Variants in SASH1 observed in about 807,000 individuals in gnomAD.
SASH1 encodes SAM and SH3 domain containing 1, also known as SAM and SH3 domain-containing protein 1.
Under a neutral mutation model 125.2 loss-of-function variants are expected in SASH1, and 44 were observed. The observed-to-expected ratio is 0.35, with a 90% CI of 0.28 to 0.45. The LOEUF is 0.45. Ranked by LOEUF, SASH1 falls within the 20% of genes least tolerant of loss-of-function variation. SASH1 has a pLI of 1.00. For missense variants in SASH1, 1,426 were observed against 1,614.5 expected (o/e 0.88, Z 2.00); for synonymous variants, 639 against 649.1 (o/e 0.98, Z 0.24).
At chr6:148,359,479 G>C (rs1306923769) in intron 1 of SASH1, among the ~76,000 whole-genome samples, 1 of 152,174 alleles carries the variant, frequency 6.6e-6, no homozygotes, top group African/African-American at 2.4e-5. Context: ...AACCTGAACA[G>C]ATGTGGAGTT....
At chr6:148,500,350 C>T (rs1779514205) in intron 8 of SASH1, among the ~76,000 whole-genome samples, 2 of 152,154 alleles carry the variant, frequency 1.3e-5, no homozygotes, top group South Asian at 4.1e-4. Context: ...CTGGACTCTG[C>T]CTTTTCTCTC....
intron 6 of SASH1, 104 bp downstream of exon 6, chr6:148,471,607 G>T (rs530571321): frequency 5.6e-6 from 4 of 708,346 alleles, no homozygotes; most frequent in Admixed American, 5.4e-5. Flanking sequence ...GTAACTCACC[G>T]CATGTGCCCA....
chr6:148,490,411 T>C (rs950366754), intron 8 of SASH1, among the ~76,000 whole-genome samples: 3 of 152,122 alleles, frequency 2.0e-5, no homozygotes, highest in African/African-American at 7.2e-5. Context: ...GGTTTCACCA[T>C]ATTGGCCAGG....
At chr6:148,336,458 G>A (rs1396816064) in intron 1 of SASH1, among the ~76,000 whole-genome samples, 1 of 152,230 alleles carries the variant, frequency 6.6e-6, no homozygotes, top group South Asian at 2.1e-4. Flanking sequence ...GATTACAGGC[G>A]TGAGCCACCA....
the SASH1 span, among the ~76,000 whole-genome samples, chr6:148,230,144 A>G: frequency 3.3e-5 from 5 of 152,172 alleles, no homozygotes; most frequent in African/African-American, 1.2e-4. Flanking sequence ...AATATTTTAT[A>G]TAAATGAAAT....
chr6:148,504,484 C>G (rs9498053), intron 8 of SASH1, among the ~76,000 whole-genome samples: 18,282 of 152,160 alleles, frequency 0.12, 1,157 homozygotes, highest in Non-Finnish European at 0.14. Flanking sequence ...ATTTGCACAT[C>G]TACTGTGTTC....
rs1370750561 is a variant in SASH1, at chr6:148,544,048, C to A, written c.2578C>A (p.Pro860Thr). 3 of 1,614,116 alleles carry A rather than the reference C, an allele frequency of 1.9e-6. No individual in the cohort carries two copies. The East Asian group carries it at 6.7e-5, about 36-fold the overall frequency. Residue 860 changes from proline to threonine, a missense_variant, in exon 18 of 20, where the codon CCG becomes ACG. Physicochemically the swap from Pro to Thr is conservative, Grantham distance 38. This residue lies in a region of SASH1 where 634 missense variants were observed against 694.4 expected (regional missense o/e 0.91). Coordinates refer to ENST00000367467, the MANE Select transcript of SASH1 (RefSeq NM_015278.5). This position sits in a 1 kb window ranked among gnomAD's most constrained non-coding sequence, Gnocchi z 6.4. ...EQDVPTEVTE[P>T]PPQIVPEVPQ... ...AGACGTGCCTACCGAGGTGACAGAA[C>A]CGCCCCCTCAGATTGTACCTGAAGT...
At chr6:148,432,438 A>G (rs184036726) in intron 2 of SASH1, among the ~76,000 whole-genome samples, 1 of 152,252 alleles carries the variant, frequency 6.6e-6, no homozygotes, top group African/African-American at 2.4e-5. Context: ...AAAAAACGTA[A>G]ATCTGTGACC....
chr6:148,431,728 AG>A, intron 2 of SASH1, among the ~76,000 whole-genome samples: 1 of 152,014 alleles, frequency 6.6e-6, no homozygotes, highest in South Asian at 2.1e-4. Context: ...CAGGACTGAA[AG>A]GTTAAACAGC....
intron 1 of SASH1, among the ~76,000 whole-genome samples, chr6:148,288,904 C>A (rs1232312935): frequency 6.6e-6 from 1 of 152,222 alleles, no homozygotes; most frequent in African/African-American, 2.4e-5. Flanking sequence ...TCACCTCCTA[C>A]CCTTTAGGTT....
chr6:148,454,467 A>G (rs1438827904), intron 4 of SASH1, among the ~76,000 whole-genome samples: 2 of 152,212 alleles, frequency 1.3e-5, no homozygotes, highest in Admixed American at 6.5e-5. Flanking sequence ...CAAGACTCCA[A>G]ATCGTCACAG....
intron 1 of SASH1, among the ~76,000 whole-genome samples, chr6:148,358,728 T>G (rs57170848): frequency 0.17 from 19,265 of 115,220 alleles, 1,807 homozygotes; most frequent in Non-Finnish European, 0.23. Context: ...TAATGCCATG[T>G]TTTTGTTTTT....
At chr6:148,430,837 T>A (rs1317768143) in intron 2 of SASH1, among the ~76,000 whole-genome samples, 1 of 152,180 alleles carries the variant, frequency 6.6e-6, no homozygotes, top group Admixed American at 6.5e-5. Flanking sequence ...CACAGAGTAC[T>A]ATTTCCAGAA....
intron 2 of SASH1, among the ~76,000 whole-genome samples, chr6:148,398,540 C>A (rs551390037): frequency 5.9e-4 from 90 of 152,238 alleles, no homozygotes; most frequent in African/African-American, 2.1e-3. Context: ...ACAGGTCTGC[C>A]CCCAGAGCAT....
rs186882746 is a variant in SASH1 at position 148,287,028 on chromosome 6, G to C, written n.74+14651G>C. Among the ~76,000 whole-genome samples the C allele has an allele frequency of 3.8e-3, 584 of 152,216 alleles. 5 individuals are homozygous for C. The highest frequency in any genetic ancestry group is 7.5e-3 in the Admixed American group (114 of 15,288). ...CAGTGTGCTGCTCCAGGAGCCTATG[G>C]GTGGAGTCCAGAGGGTCAGATTTGA... is the stretch of plus-strand genomic sequence containing the variant. On this transcript the variant is annotated intron_variant and non_coding_transcript_variant, in intron 1 of 3. Coordinates refer to the SASH1 transcript ENST00000367469.
At chr6:148,437,396 G>C (rs1776334672) in intron 2 of SASH1, among the ~76,000 whole-genome samples, 1 of 151,942 alleles carries the variant, frequency 6.6e-6, no homozygotes, top group Non-Finnish European at 1.5e-5. Context: ...TCTCTTACTT[G>C]GTCTTAAAAA....
intron 1 of SASH1, among the ~76,000 whole-genome samples, chr6:148,334,969 A>G (rs7756930): frequency 0.63 from 75,875 of 120,478 alleles, 21,022 homozygotes; most frequent in South Asian, 0.74. Context: ...GTGAGACTCC[A>G]TCTCAAAAAA....
rs768480948 is a variant in SASH1 at position 148,540,402 on chromosome 6, T to G, written c.2096-41T>G. 7.9e-6 allele frequency: 12 copies of G among 1,519,984 alleles called. No homozygotes were observed. The South Asian group carries it at 1.3e-4, about 16-fold the overall frequency. 94.2% of individuals were successfully genotyped at this position (1,519,984 alleles called of 1,614,324 possible). On this transcript the variant is annotated intron_variant, in intron 16 of 19. Transcript: ENST00000367467. Reference sequence around the variant, plus strand: ...CTGTTGACTCTGAAACCTCTGCTTTTCACTCACCTTGTTGATTTCATGCCG... The same window carrying G: ...CTGTTGACTCTGAAACCTCTGCTTTGCACTCACCTTGTTGATTTCATGCCG...
Position 148,533,692 on chromosome 6 carries a change from C to T in SASH1, c.1735-79C>T. On this transcript the variant is annotated intron_variant, in intron 14 of 19. Coordinates refer to ENST00000367467, the MANE Select transcript of SASH1 (RefSeq NM_015278.5). This position sits in a 1 kb window ranked among gnomAD's most constrained non-coding sequence, Gnocchi z 6.2. ...TTGTGGCATCTTCACTTCTGCATGA[C>T]CTGTGTATCTGACAGATTCTTGATT... is the stretch of plus-strand genomic sequence containing the variant. The T allele has an allele frequency of 7.4e-7, 1 of 1,343,928 alleles. No homozygotes were observed. Among genetic ancestry groups the T allele is most frequent in the Non-Finnish European group, 1.0e-6 (1 of 958,528 alleles). 83.3% of individuals were successfully genotyped at this position (1,343,928 alleles called of 1,614,324 possible). A position where few individuals can be genotyped will look rare whatever the true frequency, so the allele number is the denominator to read the frequency against.
Sources: allele counts gnomAD v4.1 joint callset (sites outside exome capture counted in the v4.1 genomes callset), GRCh38; gene constraint gnomAD v4.1.1; regional missense constraint gnomAD v4.1.1; non-coding constraint Gnocchi (gnomAD v3.1); transcripts MANE v1.5; gene names NCBI Gene and HGNC (gene_info 2026-07-23, HGNC 2026-07-21).